Variants in CYP19A1 observed in about 807,000 individuals in gnomAD.
The protein encoded by CYP19A1 is aromatase.
In CYP19A1, 32 loss-of-function variants were observed where a neutral mutation model predicts 44.4. The ratio of observed to expected loss-of-function variants is 0.72; its 90% CI spans 0.54 to 0.97. The LOEUF is 0.97. CYP19A1 is among the 50% of genes least tolerant of loss of function. The pLI is 0.00. For missense variants in CYP19A1, 598 were observed against 637.8 expected (o/e 0.94, Z 0.67); for synonymous variants, 212 against 215.6 (o/e 0.98, Z 0.14).
chr15:51,214,226 T>C (rs534764918), intron 8 of CYP19A1, among the ~76,000 whole-genome samples: 2 of 152,322 alleles, frequency 1.3e-5, no homozygotes, highest in African/African-American at 2.4e-5. Context: ...AGATTACTTA[T>C]GTGAAGGAAG....
intron 1 of CYP19A1, among the ~76,000 whole-genome samples, chr15:51,273,707 G>T (rs2035206295): frequency 6.6e-6 from 1 of 151,920 alleles, no homozygotes; most frequent in Non-Finnish European, 1.5e-5. Context: ...AGAATGCTAT[G>T]CTTTTTAAAA....
intron 5 of CYP19A1, among the ~76,000 whole-genome samples, chr15:51,219,939 A>G (rs1434109709): frequency 2.0e-5 from 3 of 152,174 alleles, no homozygotes; most frequent in Non-Finnish European, 4.4e-5. Flanking sequence ...AACTTCTTCA[A>G]GTGATTGTGG....
intron 1 of CYP19A1, among the ~76,000 whole-genome samples, chr15:51,277,822 T>A (rs2035368338): frequency 6.6e-6 from 1 of 152,120 alleles, no homozygotes; most frequent in Non-Finnish European, 1.5e-5. Flanking sequence ...AATATCACGT[T>A]TTTTTAAAAA....
intron 1 of CYP19A1, among the ~76,000 whole-genome samples, chr15:51,293,371 T>C (rs1181385801): frequency 6.6e-6 from 1 of 152,240 alleles, no homozygotes; most frequent in Non-Finnish European, 1.5e-5. Context: ...CTCCCTGGAA[T>C]GAGCCAGTTG....
intron 1 of CYP19A1, among the ~76,000 whole-genome samples, chr15:51,245,867 G>A (rs1364368676): frequency 1.3e-5 from 2 of 152,198 alleles, no homozygotes; most frequent in African/African-American, 4.8e-5. Context: ...GCTTGCCCTA[G>A]GGCACCCAGC....
At chr15:51,243,384 G>A (rs1595713579) in intron 1 of CYP19A1, among the ~76,000 whole-genome samples, 2 of 152,078 alleles carry the variant, frequency 1.3e-5, no homozygotes, top group East Asian at 3.9e-4. Flanking sequence ...AAACAAAAAG[G>A]CAATCTCCCA....
intron 1 of CYP19A1, among the ~76,000 whole-genome samples, chr15:51,280,910 T>C (rs2140971700): frequency 6.6e-6 from 1 of 152,302 alleles, no homozygotes; most frequent in African/African-American, 2.4e-5. Context: ...GAGCTCCATA[T>C]TCCAGTCTCA....
At chr15:51,293,220 T>G (rs2035888224) in intron 1 of CYP19A1, among the ~76,000 whole-genome samples, 1 of 152,082 alleles carries the variant, frequency 6.6e-6, no homozygotes, top group Non-Finnish European at 1.5e-5. Flanking sequence ...AAGAACTTGT[T>G]CATGTAACCA....
At chr15:51,323,841 G>T (rs1466511987) in intron 1 of CYP19A1, 1 of 152,132 alleles carries the variant, frequency 6.6e-6, no homozygotes, top group Non-Finnish European at 1.5e-5. Context: ...ATGTTGCTTT[G>T]TGTGTGCGGA....
At chr15:51,326,738 T>G (rs192857050) in intron 1 of CYP19A1, among the ~76,000 whole-genome samples, 1 of 152,298 alleles carries the variant, frequency 6.6e-6, no homozygotes, top group Admixed American at 6.5e-5. Context: ...GACCCAGGTT[T>G]AGGATAATGA....
chr15:51,218,026 A>G (rs1178129894), intron 6 of CYP19A1, among the ~76,000 whole-genome samples: 2 of 152,192 alleles, frequency 1.3e-5, no homozygotes, highest in Non-Finnish European at 2.9e-5. Context: ...CAGGACCCCC[A>G]AAACACAAGA....
chr15:51,271,805 C>G (rs1274144464), intron 1 of CYP19A1, among the ~76,000 whole-genome samples: 2 of 152,216 alleles, frequency 1.3e-5, no homozygotes, highest in East Asian at 3.8e-4. Flanking sequence ...TATTATCCCC[C>G]CATCAGGGTC....
At chr15:51,220,815 C>A (rs1158402405) in intron 5 of CYP19A1, among the ~76,000 whole-genome samples, 1 of 152,072 alleles carries the variant, frequency 6.6e-6, no homozygotes, top group East Asian at 1.9e-4. Flanking sequence ...ATTTTTTGAA[C>A]ACTAGGTCTT....
At chr15:51,267,119 G>T (rs760490037) in intron 1 of CYP19A1, among the ~76,000 whole-genome samples, 1 of 152,126 alleles carries the variant, frequency 6.6e-6, no homozygotes, top group African/African-American at 2.4e-5. Context: ...TCATGACAAA[G>T]ATTGGGTCTC....
intron 1 of CYP19A1, among the ~76,000 whole-genome samples, chr15:51,269,019 G>A (rs2035028869): frequency 1.3e-5 from 2 of 151,986 alleles, no homozygotes; most frequent in Admixed American, 6.6e-5. Flanking sequence ...TGTGTCTATT[G>A]AGGATTAAGT....
chr15:51,249,957 A>T (rs2034239836), intron 1 of CYP19A1, among the ~76,000 whole-genome samples: 1 of 152,194 alleles, frequency 6.6e-6, no homozygotes. Context: ...TCCCTGGGAC[A>T]TTCTTCTTCT....
chr15:51,228,654 G>C (rs28757182), intron 3 of CYP19A1, among the ~76,000 whole-genome samples: 1 of 152,170 alleles, frequency 6.6e-6, no homozygotes, highest in Non-Finnish European at 1.5e-5. Context: ...GTTCTCCCAC[G>C]ACACAGGATG....
At position 51,208,578 on chromosome 15, in the gene CYP19A1, A is replaced by G. The variant is rs1274046201; in HGVS notation, c.*2230T>C. ...TGTTCATCAGCCTACTGAAAAGCCA[A>G]TGGTATTCCAGAATTCCAAGGCCAA... On this transcript the variant is annotated 3_prime_UTR_variant, in exon 10 of 10. Transcript: ENST00000396402. The G allele has an allele frequency of 2.6e-5, 4 of 152,198 alleles. No homozygotes were observed. The highest frequency in any genetic ancestry group is 9.7e-5 in the African/African-American group (4 of 41,448). 9.4% of individuals were successfully genotyped at this position (152,198 alleles called of 1,614,324 possible).
chr15:51,289,261 C>G (rs936795336), intron 1 of CYP19A1, among the ~76,000 whole-genome samples: 1 of 152,210 alleles, frequency 6.6e-6, no homozygotes, highest in African/African-American at 2.4e-5. Flanking sequence ...TTAGACTGTA[C>G]TCAAGATTCC....
Sources: gnomAD v4.1 joint callset for allele counts (sites outside exome capture counted in the v4.1 genomes callset) on GRCh38, gnomAD v4.1.1 for gene constraint, MANE v1.5 for transcripts, NCBI Gene and HGNC (gene_info 2026-07-23, HGNC 2026-07-21) for gene names.